Variants in ZNF892 observed in about 807,000 individuals in gnomAD.
ZNF892 encodes zinc finger protein 892, also known as zinc finger protein 570-like.
At chr2:95,210,762 T>G in the ZNF892 span, among the ~76,000 whole-genome samples, 2 of 152,224 alleles carry the variant, frequency 1.3e-5, no homozygotes, top group Non-Finnish European at 2.9e-5. Flanking sequence ...CCTCTGCTCC[T>G]GTGGAGCTTA....
the ZNF892 span, among the ~76,000 whole-genome samples, chr2:95,238,094 C>T: frequency 6.6e-5 from 10 of 152,328 alleles, no homozygotes; most frequent in Non-Finnish European, 8.8e-5. Flanking sequence ...GGGGGCTACA[C>T]GCAACAACAG....
chr2:95,207,476 A>C, the ZNF892 span: 65 of 223,858 alleles, frequency 2.9e-4, no homozygotes, highest in Non-Finnish European at 5.3e-4. Context: ...CGGTGTTGGG[A>C]GTGAGGGCCG....
chr2:95,239,732 A>G, the ZNF892 span, among the ~76,000 whole-genome samples: 1 of 152,082 alleles, frequency 6.6e-6, no homozygotes. Flanking sequence ...GGTTCAAGCA[A>G]TTCTCCTGCC....
the ZNF892 span, among the ~76,000 whole-genome samples, chr2:95,252,150 A>G: frequency 6.6e-6 from 1 of 152,106 alleles, no homozygotes; most frequent in African/African-American, 2.4e-5. Context: ...TTTGTTACAT[A>G]TGTATACATG....
the ZNF892 span, among the ~76,000 whole-genome samples, chr2:95,217,601 G>A: frequency 6.6e-6 from 1 of 152,208 alleles, no homozygotes; most frequent in African/African-American, 2.4e-5. Context: ...TGGACATAAT[G>A]TAGGCATTCC....
At chr2:95,230,961 T>TA in the ZNF892 span, among the ~76,000 whole-genome samples, 2 of 152,128 alleles carry the variant, frequency 1.3e-5, no homozygotes, top group Admixed American at 6.5e-5. Context: ...CCTTCCAACC[T>TA]AAAAAAATAT....
chr2:95,230,213 CA>C, the ZNF892 span, among the ~76,000 whole-genome samples: 3 of 151,998 alleles, frequency 2.0e-5, no homozygotes, highest in African/African-American at 2.4e-5. Context: ...TTTGAGGACT[CA>C]GGGGGAAAGG....
At chr2:95,231,385 A>G in the ZNF892 span, among the ~76,000 whole-genome samples, 1 of 152,208 alleles carries the variant, frequency 6.6e-6, no homozygotes, top group African/African-American at 2.4e-5. Context: ...AGTCACTGCT[A>G]CTTTGAGGGG....
the ZNF892 span, chr2:95,215,061 A>G: frequency 2.0e-6 from 1 of 511,684 alleles, no homozygotes; most frequent in Non-Finnish European, 3.5e-6. Flanking sequence ...GAAGGCCTTC[A>G]GCCAAAGCAC....
At chr2:95,213,393 G>A in the ZNF892 span, among the ~76,000 whole-genome samples, 1 of 152,266 alleles carries the variant, frequency 6.6e-6, no homozygotes, top group African/African-American at 2.4e-5. Flanking sequence ...GTAGAGACAT[G>A]ATTGGAATGG....
chr2:95,236,905 T>A, the ZNF892 span, among the ~76,000 whole-genome samples: 2 of 152,154 alleles, frequency 1.3e-5, no homozygotes, highest in East Asian at 3.9e-4. Context: ...ATTGAAAAAT[T>A]TCTAGGAATT....
the ZNF892 span, among the ~76,000 whole-genome samples, chr2:95,244,833 AAC>A: frequency 6.6e-6 from 1 of 152,166 alleles, no homozygotes; most frequent in Non-Finnish European, 1.5e-5. Context: ...AATAATAACA[AAC>A]AGTCTCTCAG....
At chr2:95,246,955 G>A in the ZNF892 span, among the ~76,000 whole-genome samples, 15 of 152,036 alleles carry the variant, frequency 9.9e-5, 1 homozygote, top group Non-Finnish European at 1.8e-4. Flanking sequence ...AGATTGAATG[G>A]CATTCCCATT....
the ZNF892 span, among the ~76,000 whole-genome samples, chr2:95,228,799 A>G: frequency 6.6e-6 from 1 of 152,158 alleles, no homozygotes; most frequent in African/African-American, 2.4e-5. Context: ...AAAGGAAAAT[A>G]TCTTGGGCCC....
chr2:95,232,539 T>C, the ZNF892 span, among the ~76,000 whole-genome samples: 17 of 152,318 alleles, frequency 1.1e-4, no homozygotes, highest in African/African-American at 4.1e-4. Flanking sequence ...TATTTTGTTC[T>C]TCATCTCTTT....
chr2:95,217,423 C>T, the ZNF892 span, among the ~76,000 whole-genome samples: 2 of 152,188 alleles, frequency 1.3e-5, no homozygotes, highest in Non-Finnish European at 2.9e-5. Flanking sequence ...CCCCCAAAGC[C>T]CTAACTCATT....
the ZNF892 span, among the ~76,000 whole-genome samples, chr2:95,241,260 C>G: frequency 1.3e-5 from 2 of 152,226 alleles, no homozygotes; most frequent in Admixed American, 6.5e-5. Context: ...TCAGCACCCC[C>G]CTGGGATGGA....
At chr2:95,209,555 T>C in the ZNF892 span, among the ~76,000 whole-genome samples, 2 of 152,310 alleles carry the variant, frequency 1.3e-5, no homozygotes, top group East Asian at 3.9e-4. Flanking sequence ...TTGGTTCAGG[T>C]GCTGGGACTC....
At chr2:95,207,986 C>G in the ZNF892 span, among the ~76,000 whole-genome samples, 3 of 152,334 alleles carry the variant, frequency 2.0e-5, no homozygotes, top group East Asian at 3.9e-4. Flanking sequence ...GGATAGCCCG[C>G]CACTTCCATT....
Sources: allele counts gnomAD v4.1 joint callset (sites outside exome capture counted in the v4.1 genomes callset), GRCh38; gene constraint gnomAD v4.1.1; transcripts MANE v1.5; gene names NCBI Gene and HGNC (gene_info 2026-07-23, HGNC 2026-07-21).